KCNMA1: variants seen among roughly 807,000 people sequenced by gnomAD.
KCNMA1 encodes the protein potassium calcium-activated channel subfamily M alpha 1.
KCNMA1 carries 29 observed loss-of-function variants against 140.0 expected under a neutral mutation model. The ratio of observed to expected loss-of-function variants is 0.21; its 90% CI spans 0.15 to 0.28. KCNMA1 has a LOEUF of 0.28. Among genes scored for constraint, KCNMA1 ranks in the 10% least tolerant of loss-of-function variants. KCNMA1 has a pLI of 1.00. For synonymous variants in KCNMA1, 612 were observed against 611.9 expected, an observed-to-expected ratio of 1.00 and a Z score of 0.00; for missense variants, 880 against 1,602.2, an observed-to-expected ratio of 0.55 and a Z score of 7.70.
At chr10:77,067,659 TG>T (rs1289994077) in intron 14 of KCNMA1, among the ~76,000 whole-genome samples, 3 of 152,334 alleles carry the variant, frequency 2.0e-5, no homozygotes, top group Admixed American at 2.0e-4. Flanking sequence ...CAGCAGTGTG[TG>T]TCAATCCCTT....
At chr10:77,585,373 G>C (rs772606628) in intron 1 of KCNMA1, among the ~76,000 whole-genome samples, 1 of 152,258 alleles carries the variant, frequency 6.6e-6, no homozygotes, top group Non-Finnish European at 1.5e-5. Context: ...GGCCGTTGTC[G>C]CAGTTGTATG....
intron 3 of KCNMA1, among the ~76,000 whole-genome samples, chr10:77,200,752 T>G (rs2042193784): frequency 2.0e-5 from 3 of 152,050 alleles, no homozygotes; most frequent in South Asian, 4.1e-4. Context: ...GTACCTCAAA[T>G]AGGGGTACCT....
chr10:77,257,171 T>C (rs1365395910), intron 2 of KCNMA1, among the ~76,000 whole-genome samples: 1 of 152,154 alleles, frequency 6.6e-6, no homozygotes, highest in Non-Finnish European at 1.5e-5. Flanking sequence ...TCTGGTGACA[T>C]TTTGTTTTTT....
At chr10:76,949,005 G>A (rs2065267890) in intron 22 of KCNMA1, 137 bp downstream of exon 22, 6 of 817,854 alleles carry the variant, frequency 7.3e-6, no homozygotes, top group Non-Finnish European at 1.3e-5. Context: ...GAGCATAGGG[G>A]AAGTGCTGAG....
intron 1 of KCNMA1, among the ~76,000 whole-genome samples, chr10:77,442,578 C>T (rs921554454): frequency 3.3e-5 from 5 of 152,098 alleles, no homozygotes; most frequent in African/African-American, 9.7e-5. Flanking sequence ...GTACAATGGG[C>T]ACAATAACGA....
At chr10:77,552,381 A>T (rs1303137305) in intron 1 of KCNMA1, among the ~76,000 whole-genome samples, 1 of 152,180 alleles carries the variant, frequency 6.6e-6, no homozygotes, top group Non-Finnish European at 1.5e-5. Flanking sequence ...CTGCTTCCTC[A>T]TATGAAAACA....
intron 1 of KCNMA1, among the ~76,000 whole-genome samples, chr10:77,439,455 G>A (rs1374804181): frequency 6.6e-6 from 1 of 152,132 alleles, no homozygotes; most frequent in Non-Finnish European, 1.5e-5. Context: ...GTGGGAAGGG[G>A]GCAGGCAGGA....
At chr10:76,918,433 G>T (rs1357411763) in intron 23 of KCNMA1, among the ~76,000 whole-genome samples, 1 of 152,152 alleles carries the variant, frequency 6.6e-6, no homozygotes, top group East Asian at 1.9e-4. Flanking sequence ...GTTGATCATG[G>T]CCATGGGAGG....
Position 76,891,581 on chromosome 10 carries a change from C to G in KCNMA1, c.3286G>C (p.Asp1096His). The G allele has an allele frequency of 1.2e-6, 2 of 1,613,958 alleles. No individual in the cohort carries two copies. Among genetic ancestry groups the G allele is most frequent in the Non-Finnish European group, 1.7e-6 (2 of 1,180,012 alleles). The change falls in exon 26 of 28, where the codon GAC (aspartate) becomes CAC (histidine). Residue 1096 changes from aspartate (D) to histidine (H), a missense_variant. Around this residue, in one of 13 missense-constraint regions of KCNMA1, gnomAD observed 31 missense variants for 38.8 expected, o/e 0.80. Transcript: ENST00000286628. ...GCTAACTGGGCCACGCGGCAGCGGTCCCTATTGGCCAGTGTCTGCGGGGTG... is the reference window on the plus strand; with the variant it reads ...GCTAACTGGGCCACGCGGCAGCGGTGCCTATTGGCCAGTGTCTGCGGGGTG... ...YSTPQTLANRDRCRVAQLALL... is the reference protein window; with the variant it reads ...YSTPQTLANRHRCRVAQLALL...
At chr10:77,515,014 G>A (rs1305284904) in intron 1 of KCNMA1, among the ~76,000 whole-genome samples, 1 of 152,126 alleles carries the variant, frequency 6.6e-6, no homozygotes, top group Non-Finnish European at 1.5e-5. Context: ...ACAGAGAGAG[G>A]GCTCTCACCC....
At chr10:77,354,896 C>T (rs1603359113) in intron 2 of KCNMA1, among the ~76,000 whole-genome samples, 1 of 152,316 alleles carries the variant, frequency 6.6e-6, no homozygotes, top group South Asian at 2.1e-4. Flanking sequence ...AACTTCAGTG[C>T]TCTGGTAAAC....
At chr10:77,082,627 C>G (rs559044406) in intron 12 of KCNMA1, among the ~76,000 whole-genome samples, 1 of 151,914 alleles carries the variant, frequency 6.6e-6, no homozygotes, top group South Asian at 2.1e-4. Flanking sequence ...GTTGAAAATC[C>G]TTCCTACTTC....
At chr10:76,933,181 A>G (rs1219113924) in intron 23 of KCNMA1, among the ~76,000 whole-genome samples, 1 of 152,188 alleles carries the variant, frequency 6.6e-6, no homozygotes, top group Non-Finnish European at 1.5e-5. Context: ...GGTTTTTAAT[A>G]CAGGTATTTG....
chr10:77,497,650 G>A (rs1458600617), intron 1 of KCNMA1, among the ~76,000 whole-genome samples: 4 of 152,176 alleles, frequency 2.6e-5, no homozygotes, highest in East Asian at 1.9e-4. Context: ...AGTTTAACCC[G>A]ACTTAGATCA....
chr10:76,975,568 C>G (rs1215574191), intron 19 of KCNMA1, among the ~76,000 whole-genome samples: 3 of 152,158 alleles, frequency 2.0e-5, no homozygotes, highest in Non-Finnish European at 4.4e-5. Flanking sequence ...TGCCATGTGT[C>G]CATCGACGAG....
intron 12 of KCNMA1, among the ~76,000 whole-genome samples, chr10:77,079,910 C>T (rs1334337666): frequency 4.6e-5 from 7 of 152,214 alleles, no homozygotes; most frequent in Admixed American, 4.6e-4. Context: ...AATCAACTAT[C>T]TCTTGGAATA....
chr10:77,442,101 G>A (rs2097418337), intron 1 of KCNMA1, among the ~76,000 whole-genome samples: 1 of 152,156 alleles, frequency 6.6e-6, no homozygotes, highest in African/African-American at 2.4e-5. Context: ...GACTCGAAAG[G>A]TCCGTTTGCT....
At chr10:76,903,954 TC>T (rs2046691468) in intron 25 of KCNMA1, 1 of 152,152 alleles carries the variant, frequency 6.6e-6, no homozygotes, top group Non-Finnish European at 1.5e-5. Context: ...CCAAATATTA[TC>T]TAAGATGTGT....
At chr10:76,941,441 C>G (rs2062371094) in intron 23 of KCNMA1, among the ~76,000 whole-genome samples, 1 of 152,156 alleles carries the variant, frequency 6.6e-6, no homozygotes, top group South Asian at 2.1e-4. Flanking sequence ...AGTGCTGGGT[C>G]TGCAGCCAGA....
Sources: allele counts gnomAD v4.1 joint callset (sites outside exome capture counted in the v4.1 genomes callset), GRCh38; gene constraint gnomAD v4.1.1; regional missense constraint gnomAD v4.1.1; transcripts MANE v1.5; gene names NCBI Gene and HGNC (gene_info 2026-07-23, HGNC 2026-07-21).